Variants in KNL1 observed in about 807,000 individuals in gnomAD.
The protein encoded by KNL1 is kinetochore scaffold 1, also known as outer kinetochore KNL1 complex subunit KNL1.
In KNL1, 66 loss-of-function variants were observed where a neutral mutation model predicts 201.3. The observed-to-expected ratio is 0.33, with a 90% confidence interval of 0.27 to 0.40. The LOEUF is 0.40. Ranked by LOEUF, KNL1 falls within the 10% of genes least tolerant of loss-of-function variation. The pLI is 1.00. For missense variants in KNL1, 2,815 were observed against 2,690.5 expected (o/e 1.05, Z -1.02); for synonymous variants, 895 against 899.2 (o/e 1.00, Z 0.08).
chr15:40,614,725 G>T (rs942048224), intron 7 of KNL1, among the ~76,000 whole-genome samples: 1 of 152,064 alleles, frequency 6.6e-6, no homozygotes, highest in Non-Finnish European at 1.5e-5. Flanking sequence ...ATTTACCTCA[G>T]TCTGTTACAA....
At chr15:40,651,605 T>C in intron 20 of KNL1, 33 bp downstream of exon 20, 1 of 1,458,584 alleles carries the variant, frequency 6.9e-7, no homozygotes, top group Non-Finnish European at 9.5e-7. Flanking sequence ...TGTTTGTGTT[T>C]TATTCTGTAC....
rs1013014595 is a variant in KNL1 at position 40,663,374 on chromosome 15, A to G, written c.*1186A>G. The G allele has an allele frequency of 2.2e-5, 4 of 178,718 alleles. No homozygotes were observed. Among genetic ancestry groups the G allele is most frequent in the Middle Eastern group, 2.1e-3 (1 of 472 alleles). 11.1% of individuals were successfully genotyped at this position (178,718 alleles called of 1,614,324 possible). Reference sequence around the variant, plus strand: ...ACCCAGCAATGTTTTCTTAATAAGTATAGTTTTTCTAGGGAAAGTTAATTC... The same window carrying G: ...ACCCAGCAATGTTTTCTTAATAAGTGTAGTTTTTCTAGGGAAAGTTAATTC... On this transcript the variant is annotated 3_prime_UTR_variant, in exon 26 of 26. Coordinates refer to ENST00000399668, the MANE Select transcript of KNL1 (RefSeq NM_144508.5).
intron 5 of KNL1, 24 bp from the exon 6 acceptor site, chr15:40,610,221 A>C: frequency 7.6e-7 from 1 of 1,324,464 alleles, no homozygotes; most frequent in Non-Finnish European, 1.1e-6. Context: ...GCAGGTTTTC[A>C]ATAATCTTTA....
In KNL1 at chr15:40,624,855, C is replaced by G. The variant is rs1430493108; in HGVS notation, c.4591C>G (p.Gln1531Glu). The G allele has an allele frequency of 1.9e-6, 3 of 1,612,658 alleles. No homozygotes were observed. Among genetic ancestry groups the G allele is most frequent in the East Asian group, 4.5e-5 (2 of 44,852 alleles). Reference sequence around the variant, plus strand: ...CCACAGTAACTCAGACGTAACTAAGCAAGTCATTCAAACTCATGTCAATGC... The same window carrying G: ...CCACAGTAACTCAGACGTAACTAAGGAAGTCATTCAAACTCATGTCAATGC... ...DFHSNSDVTK[Q>E]VIQTHVNAGE... Residue 1531 changes from glutamine (Q) to glutamate (E), a missense_variant, in exon 10 of 26, where the codon CAA (glutamine) becomes GAA (glutamate). Gln to Glu is a conservative substitution (Grantham distance 29). Around this residue, in one of 3 missense-constraint regions of KNL1, gnomAD observed 2,464 missense variants for 2,291.7 expected, o/e 1.08. Transcript: ENST00000399668.
At chr15:40,604,984 TG>T (rs1437242033) in intron 2 of KNL1, 125 bp from the exon 3 acceptor site, 1 of 603,576 alleles carries the variant, frequency 1.7e-6, no homozygotes, top group African/African-American at 1.8e-5. Context: ...ATATAAATTT[TG>T]CTTGCCAGAG....
At chr15:40,660,855 C>G (rs1306424761) in intron 25 of KNL1, among the ~76,000 whole-genome samples, 1 of 151,504 alleles carries the variant, frequency 6.6e-6, no homozygotes, top group Non-Finnish European at 1.5e-5. Flanking sequence ...CCCAGCTAAT[C>G]TTGAGGCTGA....
chr15:40,606,721 C>T (rs1349081227), intron 4 of KNL1, among the ~76,000 whole-genome samples: 1 of 152,164 alleles, frequency 6.6e-6, no homozygotes, highest in Non-Finnish European at 1.5e-5. Flanking sequence ...GCCTCAGCCT[C>T]CTGAGTAGCT....
rs1006542725 is a variant in KNL1, at chr15:40,654,995, A to G, written c.6484+18A>G. The G allele has an allele frequency of 3.1e-6, 5 of 1,600,218 alleles. No homozygotes were observed. The highest frequency in any genetic ancestry group is 1.7e-5 in the Admixed American group (1 of 59,892). ...GTTAGATGGTAAGTAGAAAACATTT[A>G]AGCCTCTAAAAATTTGTTGGGGCTG... On this transcript the variant is annotated intron_variant, in intron 22 of 25. Coordinates refer to ENST00000399668, the MANE Select transcript of KNL1 (RefSeq NM_144508.5).
Position 40,657,425 on chromosome 15 carries a change from G to T in KNL1, c.6665G>T (p.Arg2222Ile). The change falls in exon 24 of 26, where the codon AGA becomes ATA. Residue 2222 changes from arginine to isoleucine, a missense_variant. Arg to Ile is a moderately conservative substitution (Grantham distance 97). Around this residue, in one of 3 missense-constraint regions of KNL1, gnomAD observed 334 missense variants for 362.6 expected, o/e 0.92. Transcript: ENST00000399668. The stretch of plus-strand genomic sequence containing the variant: ...GGAGAGGAGATTGAGTATTTAAAGA[G>T]ATGGGGACCAAATTATAACCTAATG... Reference protein sequence around the residue: ...LLGEEIEYLKRWGPNYNLMNI... With the variant: ...LLGEEIEYLKIWGPNYNLMNI... 2 of 1,598,044 alleles carry T rather than the reference G, an allele frequency of 1.3e-6. No individual in the cohort carries two copies. Among genetic ancestry groups the T allele is most frequent in the South Asian group, 1.1e-5 (1 of 90,750 alleles).
At chr15:40,648,552 T>C (rs1172169851) in intron 17 of KNL1, among the ~76,000 whole-genome samples, 1 of 152,236 alleles carries the variant, frequency 6.6e-6, no homozygotes, top group African/African-American at 2.4e-5. Context: ...CTCAATACTT[T>C]CATTGTCTTT....
intron 17 of KNL1, among the ~76,000 whole-genome samples, chr15:40,647,800 C>G (rs1893439721): frequency 6.6e-6 from 1 of 152,144 alleles, no homozygotes; most frequent in African/African-American, 2.4e-5. Context: ...TCTTTTCTTC[C>G]TGAAATGTTC....
At position 40,664,168 on chromosome 15, in the gene KNL1, TGAC is replaced by T. The variant is rs1893990726; in HGVS notation, c.*1982_*1984del. 5.5e-6 allele frequency: 1 copy of T among 182,674 alleles called. No homozygotes were observed. Among genetic ancestry groups the T allele is most frequent in the South Asian group, 2.0e-4 (1 of 5,098 alleles). 11.3% of individuals were successfully genotyped at this position (182,674 alleles called of 1,614,324 possible). On this transcript the variant is annotated 3_prime_UTR_variant, in exon 26 of 26. Transcript: ENST00000399668. ...ACTCTAAAAAAGATTTGGCTTGTAA[TGAC>T]GGTCTCTGCTTTTTTGGGTTTGGAG...
chr15:40,599,263 A>G (rs181278407), intron 1 of KNL1, among the ~76,000 whole-genome samples: 1 of 150,966 alleles, frequency 6.6e-6, no homozygotes, highest in African/African-American at 2.4e-5. Context: ...CAGTGAGCCA[A>G]AATTGCGTCA....
At position 40,652,080 on chromosome 15, in the gene KNL1, C is replaced by T. The variant is rs1893582525; in HGVS notation, c.6390C>T (p.Leu2130=). The change falls in exon 21 of 26, where the codon CTC becomes CTT. Residue 2130 remains leucine (L), a synonymous_variant. Coordinates refer to ENST00000399668, the MANE Select transcript of KNL1 (RefSeq NM_144508.5). The part of the protein sequence containing the change: ...VFTFVYDTIQ[L]TITFEESVVG... ...CCTTTGTTTATGACACGATACAACT[C>T]ACCATCACCTTTGAAGAGTCAGTTG... 8 of 1,613,214 alleles carry T rather than the reference C, an allele frequency of 5.0e-6. No individual in the cohort carries two copies. The highest frequency in any genetic ancestry group is 6.8e-6 in the Non-Finnish European group (8 of 1,179,296).
intron 22 of KNL1, among the ~76,000 whole-genome samples, chr15:40,656,201 C>A (rs1256469567): frequency 6.6e-6 from 1 of 152,044 alleles, no homozygotes; most frequent in Non-Finnish European, 1.5e-5. Flanking sequence ...GAGACCAAGG[C>A]GGGCGGATCA....
chr15:40,638,736 G>T (rs1426489553), intron 13 of KNL1, among the ~76,000 whole-genome samples: 2 of 151,996 alleles, frequency 1.3e-5, no homozygotes, highest in Admixed American at 6.6e-5. Flanking sequence ...CAGGTGATCC[G>T]CCTGCCTTGG....
At chr15:40,627,886 A>G (rs1035853860) in intron 10 of KNL1, among the ~76,000 whole-genome samples, 184 bp from the exon 11 acceptor site, 1 of 152,242 alleles carries the variant, frequency 6.6e-6, no homozygotes, top group African/African-American at 2.4e-5. Flanking sequence ...GTAATTTTCA[A>G]TAAAATTACT....
chr15:40,660,508 T>C (rs1893876993), intron 25 of KNL1, among the ~76,000 whole-genome samples: 1 of 151,102 alleles, frequency 6.6e-6, no homozygotes, highest in Non-Finnish European at 1.5e-5. Context: ...CTACTAAAAA[T>C]ACAAAAAATT....
chr15:40,646,780 C>T, intron 16 of KNL1: 1 of 316,252 alleles, frequency 3.2e-6, no homozygotes, highest in South Asian at 4.3e-5. Flanking sequence ...TGGCATGAAC[C>T]CGGGAGGCGG....
Sources: gnomAD v4.1 joint callset for allele counts (sites outside exome capture counted in the v4.1 genomes callset) on GRCh38, gnomAD v4.1.1 for gene constraint, gnomAD v4.1.1 regional missense constraint, MANE v1.5 for transcripts, NCBI Gene and HGNC (gene_info 2026-07-23, HGNC 2026-07-21) for gene names.